The following APOO variants were observed in gnomAD, a reference collection of about 807,000 sequenced individuals.
APOO encodes apolipoprotein O.
A neutral mutation model predicts 23.1 loss-of-function variants in APOO; 11 were observed. The ratio of observed to expected loss-of-function variants is 0.48; its 90% CI spans 0.30 to 0.79. The LOEUF (loss-of-function observed/expected upper bound fraction) is 0.79. Ranked by LOEUF, APOO falls within the 30% of genes least tolerant of loss-of-function variation. The probability of loss-of-function intolerance (pLI) is 0.07; values close to 1 mark genes in which losing one functional copy is unlikely to be tolerated. For missense variants in APOO, 160 were observed against 142.7 expected, an observed-to-expected ratio of 1.12 and a Z score of -0.62; for synonymous variants, 59 against 54.8, an observed-to-expected ratio of 1.08 and a Z score of -0.34.
At chrX:23,894,761 A>G (rs1247025544) in intron 1 of APOO, among the ~76,000 whole-genome samples, 3 of 109,059 alleles carry the variant, frequency 2.8e-5, no homozygotes, top group Non-Finnish European at 5.7e-5. Flanking sequence ...ATGCCACTGC[A>G]CTCCAGCTTA....
chrX:23,868,614 T>C lies in APOO; in HGVS notation c.367A>G (p.Ile123Val), dbSNP rs756652973. ...RLGVIGFAGL[I>V]GLLLARGSKI... ...CTACCTCTAGCCAAAAGGAGTCCAA[T>C]AAGGCCAGCAAAACCAATAACACCA... The change falls in exon 5 of 9, where the codon ATT becomes GTT. Residue 123 changes from isoleucine to valine, a missense_variant. By Grantham distance (29) the Ile-to-Val change is conservative. Coordinates refer to ENST00000379226, the MANE Select transcript of APOO (RefSeq NM_024122.5). 4 of 1,208,205 alleles carry C rather than the reference T, an allele frequency of 3.3e-6. No individual in the cohort carries two copies. In the South Asian group the frequency reaches 5.3e-5, roughly 16 times the overall value.
chrX:23,906,013 G>A (rs2147058044), intron 1 of APOO, among the ~76,000 whole-genome samples: 1 of 112,585 alleles, frequency 8.9e-6, no homozygotes, highest in African/African-American at 3.2e-5. Flanking sequence ...CTATGACCTT[G>A]TGTGGTTCCC....
At chrX:23,870,024 T>C (rs1388300781) in intron 4 of APOO, among the ~76,000 whole-genome samples, 9 of 111,059 alleles carry the variant, frequency 8.1e-5, no homozygotes, top group Admixed American at 2.9e-4. Context: ...TCTGAACTCA[T>C]TACTCGAACA....
At chrX:23,854,750 C>T (rs906786641) in intron 7 of APOO, among the ~76,000 whole-genome samples, 1 of 110,136 alleles carries the variant, frequency 9.1e-6, no homozygotes, top group African/African-American at 3.3e-5. Flanking sequence ...CTGGAACTCC[C>T]GACCTCAGGT....
At chrX:23,862,614 A>C (rs1317380825) in intron 5 of APOO, among the ~76,000 whole-genome samples, 1 of 101,493 alleles carries the variant, frequency 9.9e-6, no homozygotes, top group Admixed American at 1.1e-4. Context: ...GGTCTCCACA[A>C]AAAAAAAAAT....
intron 1 of APOO, among the ~76,000 whole-genome samples, chrX:23,903,645 T>C (rs771336664): frequency 9.8e-5 from 11 of 112,294 alleles, no homozygotes; most frequent in Admixed American, 9.5e-4. Flanking sequence ...TTATGTGAAT[T>C]ATATTTCAGT....
chrX:23,906,244 C>T (rs939066817), intron 1 of APOO, among the ~76,000 whole-genome samples: 4 of 112,943 alleles, frequency 3.5e-5, no homozygotes, highest in African/African-American at 1.3e-4. Flanking sequence ...TTTTGAGAAA[C>T]AATTCTTGTT....
intron 7 of APOO, among the ~76,000 whole-genome samples, chrX:23,843,713 A>G (rs1423366247): frequency 1.9e-5 from 2 of 105,755 alleles, no homozygotes; most frequent in African/African-American, 3.5e-5. Context: ...CCTCCTGAGT[A>G]GCTGGGATTA....
intron 7 of APOO, among the ~76,000 whole-genome samples, chrX:23,846,774 G>A (rs1023775574): frequency 2.7e-5 from 3 of 111,078 alleles, no homozygotes; most frequent in East Asian, 2.8e-4. Flanking sequence ...AAAGGGTTTC[G>A]GATTAGCAAT....
intron 3 of APOO, 44 bp from the exon 4 acceptor site, chrX:23,874,501 T>C (rs760875349): frequency 9.6e-7 from 1 of 1,037,914 alleles, no homozygotes; most frequent in Non-Finnish European, 1.4e-6. Flanking sequence ...TCACAGGATC[T>C]GCTGATTAGA....
chrX:23,883,167 C>T (rs1156623467), intron 1 of APOO, among the ~76,000 whole-genome samples: 1 of 111,414 alleles, frequency 9.0e-6, no homozygotes, highest in Non-Finnish European at 1.9e-5. Flanking sequence ...GGCTAGGGCT[C>T]CACCCCTGGG....
At chrX:23,906,488 ACT>A (rs1927362117) in intron 1 of APOO, among the ~76,000 whole-genome samples, 2 of 112,399 alleles carry the variant, frequency 1.8e-5, no homozygotes, top group Non-Finnish European at 3.8e-5. Flanking sequence ...TCTCCTTTTT[ACT>A]ACTTTACTAC....
Position 23,879,023 on chromosome X carries a change from G to C in APOO, c.129C>G (p.Tyr43Ter). Reference sequence around the variant, plus strand: ...ACTTCGATTGACCCTCAGGAACTGAGTAGAGTGAAAGCTGCGCACATTAAA... The same window carrying C: ...ACTTCGATTGACCCTCAGGAACTGACTAGAGTGAAAGCTGCGCACATTAAA... ...NSVKVDELSL[Y>*]SVPEGQSKYV... Residue 43 changes from tyrosine to a stop codon, truncating the protein, a stop_gained, in exon 3 of 9, where the codon TAC becomes TAG. Coordinates refer to ENST00000379226, the MANE Select transcript of APOO (RefSeq NM_024122.5). LOFTEE classifies it high-confidence loss of function. 1 of 1,210,614 alleles carries C rather than the reference G, an allele frequency of 8.3e-7. No individual in the cohort carries two copies.
intron 1 of APOO, among the ~76,000 whole-genome samples, chrX:23,889,763 T>G (rs191019935): frequency 1.9e-5 from 2 of 105,455 alleles, no homozygotes; most frequent in African/African-American, 7.0e-5. Flanking sequence ...CCTGGGTTCA[T>G]GCCATTCTCC....
rs952797126 is a variant in APOO at position 23,899,923 on chromosome X, G to T, written c.9+7771C>A. ...TACAAATATCAACAGGCCTCATGGG[G>T]TAATCAATTCATTTATCATAAATGT... is the stretch of plus-strand genomic sequence containing the variant. On this transcript the variant is annotated intron_variant, in intron 1 of 8. Transcript: ENST00000379226. Among the ~76,000 whole-genome samples, 3 of 112,097 alleles carry T rather than the reference G, an allele frequency of 2.7e-5. No homozygotes were observed. In the Admixed American group the frequency reaches 2.8e-4, roughly 11 times the overall value.
intron 7 of APOO, among the ~76,000 whole-genome samples, chrX:23,855,315 C>T (rs1226060323): frequency 1.8e-5 from 2 of 109,412 alleles, no homozygotes; most frequent in African/African-American, 6.6e-5. Flanking sequence ...CTGCACCTGG[C>T]CAAAAAATGA....
chrX:23,852,364 C>T (rs7880868), intron 7 of APOO, among the ~76,000 whole-genome samples: 2 of 110,715 alleles, frequency 1.8e-5, no homozygotes, highest in East Asian at 2.9e-4. Context: ...TTTGGGAGGC[C>T]GAGGCGGGCA....
chrX:23,907,883 G>A lies in APOO; in HGVS notation c.-181C>T, dbSNP rs1461354120. 4.5e-5 allele frequency: 22 copies of A among 487,340 alleles called. No homozygotes were observed. Among genetic ancestry groups the A allele is most frequent in the Non-Finnish European group, 6.8e-5 (22 of 321,265 alleles). 40.2% of individuals were successfully genotyped at this position (487,340 alleles called of 1,213,427 possible). ...GGTTTAGTTCAATCACCCGGTTCTA[G>A]AAGCCGCGTCGCTGAGCCGCAGCGC... On this transcript the variant is annotated 5_prime_UTR_variant, in exon 1 of 9. Transcript: ENST00000379226.
chrX:23,889,184 T>C (rs1926512988), intron 1 of APOO, among the ~76,000 whole-genome samples: 1 of 110,871 alleles, frequency 9.0e-6, no homozygotes, highest in Non-Finnish European at 1.9e-5. Flanking sequence ...ATCAGTCAGC[T>C]CCCTCAGCTT....
Sources: allele counts gnomAD v4.1 joint callset (sites outside exome capture counted in the v4.1 genomes callset), GRCh38; gene constraint gnomAD v4.1.1; transcripts MANE v1.5; gene names NCBI Gene and HGNC (gene_info 2026-07-23, HGNC 2026-07-21).